Variants in HIVEP3 observed in about 807,000 individuals in gnomAD.
HIVEP3 encodes the protein HIVEP zinc finger 3.
In HIVEP3, 49 loss-of-function variants were observed where a neutral mutation model predicts 152.8. The ratio of observed to expected loss-of-function variants is 0.32; its 90% CI spans 0.26 to 0.41. HIVEP3 has a LOEUF of 0.41. HIVEP3 is among the 10% of genes least tolerant of loss of function. HIVEP3 has a pLI of 1.00. For missense variants in HIVEP3, 2,790 were observed against 3,103.3 expected (o/e 0.90, Z 2.40); for synonymous variants, 1,269 against 1,289.0 (o/e 0.98, Z 0.33).
intron 2 of HIVEP3, among the ~76,000 whole-genome samples, chr1:41,634,538 A>C (rs1645241728): frequency 6.6e-6 from 1 of 152,178 alleles, no homozygotes; most frequent in African/African-American, 2.4e-5. Flanking sequence ...ATATGAATAA[A>C]TTAAATTACT....
chr1:41,890,057 A>G (rs1205753406), intron 1 of HIVEP3, among the ~76,000 whole-genome samples: 2 of 152,266 alleles, frequency 1.3e-5, no homozygotes, highest in South Asian at 2.1e-4. Context: ...GGCTCGGCCA[A>G]TGACTAGCTT....
At chr1:41,946,082 G>A (rs1000719074) in intron 1 of HIVEP3, among the ~76,000 whole-genome samples, 2 of 152,154 alleles carry the variant, frequency 1.3e-5, no homozygotes, top group Non-Finnish European at 2.9e-5. Flanking sequence ...GGACTTTGGA[G>A]GCTCTGGAAA....
intron 1 of HIVEP3, among the ~76,000 whole-genome samples, chr1:41,983,540 A>G (rs953755395): frequency 2.6e-5 from 4 of 152,184 alleles, no homozygotes; most frequent in African/African-American, 9.7e-5. Flanking sequence ...CCAAAGATTA[A>G]CTGTCTGTCT....
At chr1:41,644,414 A>G (rs1645426432) in intron 2 of HIVEP3, among the ~76,000 whole-genome samples, 1 of 152,118 alleles carries the variant, frequency 6.6e-6, no homozygotes, top group Admixed American at 6.5e-5. Flanking sequence ...CCCTCCTCTC[A>G]AACCAAAAAC....
At chr1:41,680,533 C>T (rs1646022897) in intron 2 of HIVEP3, among the ~76,000 whole-genome samples, 1 of 152,240 alleles carries the variant, frequency 6.6e-6, no homozygotes, top group Non-Finnish European at 1.5e-5. Flanking sequence ...ATAGCTGTCT[C>T]AGTCCCACTC....
chr1:41,508,872 G>T lies in HIVEP3; in HGVS notation c.*1579C>A, dbSNP rs530109422. On this transcript the variant is annotated 3_prime_UTR_variant, in exon 9 of 9. Coordinates refer to ENST00000372583, the MANE Select transcript of HIVEP3 (RefSeq NM_024503.5). ...GTGGCATCAAACCCAGCCTTCACGG[G>T]CCTCAACCGTAGTCCCTGTGCTGCC... 6.6e-6 allele frequency: 1 copy of T among 152,366 alleles called. No individual in the cohort carries two copies. The highest frequency in any genetic ancestry group is 2.4e-5 in the African/African-American group (1 of 41,574). The allele number at this position is 152,366 out of a possible 1,614,324, so 9.4% of individuals were successfully genotyped here.
intron 1 of HIVEP3, among the ~76,000 whole-genome samples, chr1:42,017,949 T>A (rs1466282982): frequency 6.6e-6 from 1 of 152,146 alleles, no homozygotes; most frequent in African/African-American, 2.4e-5. Flanking sequence ...ATTGTCCGAC[T>A]TTTTAAATTT....
chr1:41,585,332 GTACACACACACAGAAA>G lies in HIVEP3; in HGVS notation c.-521-30_-521-15del. 1 of 398,972 alleles carries G rather than the reference GTACACACACACAGAAA, an allele frequency of 2.5e-6. No homozygotes were observed. The highest frequency in any genetic ancestry group is 4.4e-6 in the Non-Finnish European group (1 of 226,124). 24.7% of individuals were successfully genotyped at this position (398,972 alleles called of 1,614,324 possible). A position where few individuals can be genotyped will look rare whatever the true frequency, so the allele number is the denominator to read the frequency against. ...CACGCTCTTCTTCTGTGTGATAGAT[GTACACACACACAGAAA>G]TACACACACACAAAAGAGAAGACAG... On this transcript the variant is annotated splice_polypyrimidine_tract_variant and intron_variant, in intron 3 of 8. Coordinates refer to ENST00000372583, the MANE Select transcript of HIVEP3 (RefSeq NM_024503.5).
chr1:42,018,963 CATG>C (rs1166637703), intron 1 of HIVEP3, among the ~76,000 whole-genome samples: 1 of 152,024 alleles, frequency 6.6e-6, no homozygotes, highest in African/African-American at 2.4e-5. Context: ...GTTTGTCCCT[CATG>C]ATGTGTGCTA....
intron 1 of HIVEP3, among the ~76,000 whole-genome samples, chr1:41,755,635 A>G (rs1010875404): frequency 6.6e-6 from 1 of 152,150 alleles, no homozygotes; most frequent in African/African-American, 2.4e-5. Flanking sequence ...CCAAAACAAT[A>G]AACAATCTAA....
At chr1:41,527,211 C>G (rs1338644938) in intron 5 of HIVEP3, among the ~76,000 whole-genome samples, 1 of 113,118 alleles carries the variant, frequency 8.8e-6, no homozygotes, top group Non-Finnish European at 2.0e-5. Flanking sequence ...CACACATGCT[C>G]ACCCTCACAC....
intron 1 of HIVEP3, among the ~76,000 whole-genome samples, chr1:41,944,251 ACAAT>A (rs1365328231): frequency 6.6e-6 from 1 of 152,260 alleles, no homozygotes; most frequent in African/African-American, 2.4e-5. Context: ...TGTATGCTTA[ACAAT>A]GGTTAAAATG....
intron 2 of HIVEP3, among the ~76,000 whole-genome samples, chr1:41,678,492 C>A (rs1234222613): frequency 6.6e-6 from 1 of 152,088 alleles, no homozygotes; most frequent in Non-Finnish European, 1.5e-5. Flanking sequence ...CCTAGAGAAG[C>A]AGCCTTGTCC....
chr1:41,730,662 T>C (rs1646826155), intron 1 of HIVEP3, among the ~76,000 whole-genome samples: 1 of 152,242 alleles, frequency 6.6e-6, no homozygotes, highest in Non-Finnish European at 1.5e-5. Context: ...TAATAATGCA[T>C]GGGCAGCCGG....
At chr1:41,830,448 A>T (rs1642927399) in intron 1 of HIVEP3, among the ~76,000 whole-genome samples, 2 of 152,216 alleles carry the variant, frequency 1.3e-5, no homozygotes, top group African/African-American at 4.8e-5. Flanking sequence ...GGTACTGCCC[A>T]GGTCCCCTCC....
chr1:41,902,823 T>C (rs541185899), intron 1 of HIVEP3, among the ~76,000 whole-genome samples: 2 of 152,348 alleles, frequency 1.3e-5, no homozygotes, highest in Non-Finnish European at 2.9e-5. Flanking sequence ...TAGAATCGTT[T>C]CAGTTTCTAT....
chr1:41,911,648 T>G (rs115116157), intron 1 of HIVEP3, among the ~76,000 whole-genome samples: 79 of 152,280 alleles, frequency 5.2e-4, no homozygotes, highest in African/African-American at 1.5e-3. Flanking sequence ...AAGCTAAGTG[T>G]TCATTAATAA....
At chr1:42,006,409 C>T (rs1376422238) in intron 1 of HIVEP3, among the ~76,000 whole-genome samples, 1 of 152,026 alleles carries the variant, frequency 6.6e-6, no homozygotes, top group Admixed American at 6.5e-5. Flanking sequence ...ACTGCAGACC[C>T]CAAAGAGCCT....
At chr1:41,962,504 T>G (rs1439262082) in intron 1 of HIVEP3, among the ~76,000 whole-genome samples, 1 of 152,266 alleles carries the variant, frequency 6.6e-6, no homozygotes, top group Non-Finnish European at 1.5e-5. Context: ...ACATGTCATT[T>G]GTGAACTTAC....
Sources: allele counts gnomAD v4.1 joint callset (sites outside exome capture counted in the v4.1 genomes callset), GRCh38; gene constraint gnomAD v4.1.1; transcripts MANE v1.5; gene names NCBI Gene and HGNC (gene_info 2026-07-23, HGNC 2026-07-21).